The following JPH2 variants were observed in gnomAD, a reference collection of about 807,000 sequenced individuals.
JPH2 encodes the protein junctophilin 2, also known as junctophilin-2.
In JPH2, 38 loss-of-function variants were observed where a neutral mutation model predicts 55.9. The observed-to-expected ratio is 0.68, with a 90% CI of 0.52 to 0.89. The LOEUF (loss-of-function observed/expected upper bound fraction) is 0.89. Among genes scored for constraint, JPH2 ranks in the 40% least tolerant of loss-of-function variants. The pLI is 0.00. For synonymous variants in JPH2, 480 were observed against 472.4 expected (o/e 1.02, Z -0.21); for missense variants, 964 against 1,037.6 (o/e 0.93, Z 0.97).
At chr20:44,154,713 C>T (rs1391577798) in intron 2 of JPH2, among the ~76,000 whole-genome samples, 2 of 152,212 alleles carry the variant, frequency 1.3e-5, no homozygotes, top group African/African-American at 4.8e-5. Flanking sequence ...TGTCTCTCCA[C>T]AGCCAAATTA....
intron 1 of JPH2, among the ~76,000 whole-genome samples, chr20:44,168,612 A>G (rs1465366253): frequency 1.3e-5 from 2 of 152,354 alleles, no homozygotes; most frequent in East Asian, 1.9e-4. Flanking sequence ...AAGAATTTTA[A>G]TGACTTGCTC....
intron 1 of JPH2, among the ~76,000 whole-genome samples, chr20:44,175,024 TAA>T (rs774740499): frequency 1.3e-5 from 2 of 151,886 alleles, no homozygotes; most frequent in Non-Finnish European, 2.9e-5. Context: ...AACAAAATTT[TAA>T]AAGTCATATG....
intron 1 of JPH2, among the ~76,000 whole-genome samples, chr20:44,168,364 C>CA (rs528290970): frequency 4.7e-4 from 67 of 143,022 alleles, no homozygotes; most frequent in African/African-American, 1.5e-3. Flanking sequence ...TGTTTACACA[C>CA]AAAAAAAATA....
rs1206345289 is a variant in JPH2, at chr20:44,110,889, G to C, written c.*2629C>G. Among the ~76,000 whole-genome samples, 1 of 152,214 alleles carries C rather than the reference G, an allele frequency of 6.6e-6. No individual in the cohort carries two copies. Among genetic ancestry groups the C allele is most frequent in the Non-Finnish European group, 1.5e-5 (1 of 68,044 alleles). On this transcript the variant is annotated 3_prime_UTR_variant, in exon 6 of 6. Coordinates refer to ENST00000372980, the MANE Select transcript of JPH2 (RefSeq NM_020433.5). The stretch of plus-strand genomic sequence containing the variant: ...GGGAGCACATGGCCCATCAGTGATA[G>C]GGCTGGGTTGGGTAGGGGAGCCAGG...
At chr20:44,145,038 G>C (rs2072483828) in intron 2 of JPH2, among the ~76,000 whole-genome samples, 1 of 152,212 alleles carries the variant, frequency 6.6e-6, no homozygotes, top group Admixed American at 6.5e-5. Flanking sequence ...GCCAGTGAGA[G>C]TGCAGGACTA....
chr20:44,170,100 G>C (rs899545127), intron 1 of JPH2, among the ~76,000 whole-genome samples: 2 of 152,190 alleles, frequency 1.3e-5, no homozygotes, highest in Non-Finnish European at 2.9e-5. Flanking sequence ...CAGAGATGGA[G>C]AGAAGGAACG....
chr20:44,171,857 C>T (rs886282330), intron 1 of JPH2, among the ~76,000 whole-genome samples: 4 of 152,158 alleles, frequency 2.6e-5, no homozygotes, highest in Non-Finnish European at 5.9e-5. Context: ...TGTTAGATGC[C>T]GGTCTCTGCT....
intron 2 of JPH2, among the ~76,000 whole-genome samples, chr20:44,151,254 C>T (rs570945499): frequency 7.9e-5 from 12 of 152,012 alleles, no homozygotes; most frequent in East Asian, 3.9e-4. Flanking sequence ...CAGTGGCTCA[C>T]GCCTGTAATC....
intron 1 of JPH2, among the ~76,000 whole-genome samples, chr20:44,171,561 G>A (rs962238904): frequency 1.2e-4 from 17 of 136,444 alleles, no homozygotes; most frequent in South Asian, 5.2e-4. Context: ...CTCCAGCCTC[G>A]TCCACCCCAC....
At chr20:44,125,935 G>A (rs2072271712) in intron 2 of JPH2, among the ~76,000 whole-genome samples, 2 of 151,784 alleles carry the variant, frequency 1.3e-5, no homozygotes, top group African/African-American at 2.4e-5. Context: ...GTTTTAGCCT[G>A]GGCAACACAG....
chr20:44,111,328 C>T lies in JPH2; in HGVS notation c.*2190G>A, dbSNP rs2072142077. ...TACAGCCTCAACATCTAATGTAATC[C>T]TCACTACCAGGAGGTAGGCTCTGTA... On this transcript the variant is annotated 3_prime_UTR_variant, in exon 6 of 6. Transcript: ENST00000372980. 1.3e-5 allele frequency among the ~76,000 whole-genome samples: 2 copies of T among 152,158 alleles called. No individual in the cohort carries two copies. The highest frequency in any genetic ancestry group is 1.3e-4 in the Admixed American group (2 of 15,270).
At chr20:44,116,434 TG>T in intron 3 of JPH2, 48 bp from the exon 4 acceptor site, 1 of 1,537,302 alleles carries the variant, frequency 6.5e-7, no homozygotes. Context: ...GCACCACTGT[TG>T]GGTGATCCTG....
intron 1 of JPH2, among the ~76,000 whole-genome samples, chr20:44,169,421 G>A (rs544433456): frequency 3.9e-5 from 6 of 152,108 alleles, no homozygotes; most frequent in South Asian, 2.1e-4. Context: ...CTCATGATCC[G>A]CCTGCCTTGG....
At position 44,106,927 on chromosome 20, in the gene JPH2, C is replaced by T. The variant is rs2072112520; in HGVS notation, c.*6591G>A. 6.6e-6 allele frequency among the ~76,000 whole-genome samples: 1 copy of T among 152,042 alleles called. No homozygotes were observed. Among genetic ancestry groups the T allele is most frequent in the Admixed American group, 6.6e-5 (1 of 15,254 alleles). ...CAGAGCAAGGGAGGGGTATAAAAGC[C>T]CAATGGGAGATGCTCTACAAGCAAT... On this transcript the variant is annotated 3_prime_UTR_variant, in exon 6 of 6. Transcript: ENST00000372980.
At chr20:44,151,971 C>T (rs1386946262) in intron 2 of JPH2, among the ~76,000 whole-genome samples, 1 of 152,210 alleles carries the variant, frequency 6.6e-6, no homozygotes, top group Non-Finnish European at 1.5e-5. Context: ...AGGGAGCTTT[C>T]CCAGACCTCC....
chr20:44,154,551 C>T (rs2072552029), intron 2 of JPH2, among the ~76,000 whole-genome samples: 1 of 152,168 alleles, frequency 6.6e-6, no homozygotes, highest in Non-Finnish European at 1.5e-5. Flanking sequence ...GCTGTCTCAT[C>T]TTTCTCCCTT....
At chr20:44,145,431 C>T (rs765842482) in intron 2 of JPH2, among the ~76,000 whole-genome samples, 18 of 152,004 alleles carry the variant, frequency 1.2e-4, no homozygotes, top group Non-Finnish European at 2.2e-4. Context: ...ATAGTGAAAC[C>T]CCCGTCTCTA....
chr20:44,131,040 A>G (rs1344166028), intron 2 of JPH2, among the ~76,000 whole-genome samples: 1 of 152,208 alleles, frequency 6.6e-6, no homozygotes, highest in Non-Finnish European at 1.5e-5. Flanking sequence ...AAAGTAAGAG[A>G]TGTCAGGCAG....
Position 44,110,082 on chromosome 20 carries a change from C to A in JPH2, c.*3436G>T, listed in dbSNP as rs2072131575. ...GGCCTGGCTGTGTCCTACCCTTGAG[C>A]CAACAGGGGGTGCTGTCTCCGACTA... On this transcript the variant is annotated 3_prime_UTR_variant, in exon 6 of 6. Coordinates refer to ENST00000372980, the MANE Select transcript of JPH2 (RefSeq NM_020433.5). Among the ~76,000 whole-genome samples, 1 of 152,138 alleles carries A rather than the reference C, an allele frequency of 6.6e-6. No individual in the cohort carries two copies. Among genetic ancestry groups the A allele is most frequent in the African/African-American group, 2.4e-5 (1 of 41,420 alleles).
Sources: allele counts gnomAD v4.1 joint callset (sites outside exome capture counted in the v4.1 genomes callset), GRCh38; gene constraint gnomAD v4.1.1; transcripts MANE v1.5; gene names NCBI Gene and HGNC (gene_info 2026-07-23, HGNC 2026-07-21).